Variants in GPD2 observed in about 807,000 individuals in gnomAD.
GPD2 encodes glycerol-3-phosphate dehydrogenase 2.
Under a neutral mutation model 82.4 loss-of-function variants are expected in GPD2, and 54 were observed. The observed-to-expected ratio is 0.66, with a 90% CI of 0.53 to 0.82. The LOEUF is 0.82. GPD2 is among the 40% of genes least tolerant of loss of function. The pLI is 0.00. For missense variants in GPD2, 748 were observed against 896.2 expected, an observed-to-expected ratio of 0.83 and a Z score of 2.11; for synonymous variants, 288 against 306.1, an observed-to-expected ratio of 0.94 and a Z score of 0.62.
intron 2 of GPD2, among the ~76,000 whole-genome samples, chr2:156,480,168 G>A (rs1182429764): frequency 6.6e-6 from 1 of 152,196 alleles, no homozygotes; most frequent in African/African-American, 2.4e-5. Flanking sequence ...TTCCAGGCTG[G>A]TGGGAGAATG....
rs1687293120 is a variant in GPD2 at position 156,564,457 on chromosome 2, C to T, written c.1166-4368C>T. On this transcript the variant is annotated intron_variant, in intron 9 of 16. Transcript: ENST00000438166. ...CGTGATATGGAGAGGAACCTGTTAG[C>T]TTCGTCAGTTGCTGTCTTTTATTCA... 2.0e-5 allele frequency among the ~76,000 whole-genome samples: 3 copies of T among 152,242 alleles called. No individual in the cohort carries two copies. In the South Asian group the frequency reaches 6.2e-4, roughly 32 times the overall value.
chr2:156,442,052 A>G (rs1573870527), intron 1 of GPD2, among the ~76,000 whole-genome samples: 1 of 151,986 alleles, frequency 6.6e-6, no homozygotes, highest in Admixed American at 6.6e-5. Context: ...TTTGATTTAG[A>G]TTTTTCAAGC....
At position 156,583,015 on chromosome 2, in the gene GPD2, G is replaced by T; in HGVS notation, c.*97G>T. 1 of 1,318,930 alleles carries T rather than the reference G, an allele frequency of 7.6e-7. No homozygotes were observed. The highest frequency in any genetic ancestry group is 1.1e-6 in the Non-Finnish European group (1 of 920,602). 81.7% of individuals were successfully genotyped at this position (1,318,930 alleles called of 1,614,324 possible). A position where few individuals can be genotyped will look rare whatever the true frequency, so the allele number is the denominator to read the frequency against. On this transcript the variant is annotated 3_prime_UTR_variant, in exon 17 of 17. Coordinates refer to ENST00000438166, the MANE Select transcript of GPD2 (RefSeq NM_000408.5). ...AAACCACTCTGAAATAATGAATGTG[G>T]ATAGCTGCCTTTTTTAACACTAGAA...
At chr2:156,517,304 A>G (rs1486906906) in intron 6 of GPD2, among the ~76,000 whole-genome samples, 4 of 152,192 alleles carry the variant, frequency 2.6e-5, no homozygotes, top group Non-Finnish European at 4.4e-5. Context: ...TCTGTGCATG[A>G]CATAAGTATG....
intron 4 of GPD2, among the ~76,000 whole-genome samples, chr2:156,511,539 C>CT (rs533883583): frequency 6.6e-6 from 1 of 151,572 alleles, no homozygotes; most frequent in Admixed American, 6.6e-5. Flanking sequence ...GAATCTGTCT[C>CT]TTTTTTTTTC....
intron 1 of GPD2, among the ~76,000 whole-genome samples, chr2:156,443,171 T>A (rs1276107495): frequency 6.6e-6 from 1 of 152,198 alleles, no homozygotes; most frequent in African/African-American, 2.4e-5. Flanking sequence ...TTTATGACAT[T>A]TTCCCTCACA....
intron 7 of GPD2, among the ~76,000 whole-genome samples, chr2:156,550,309 T>C (rs1331036310): frequency 6.6e-6 from 1 of 152,252 alleles, no homozygotes; most frequent in East Asian, 1.9e-4. Context: ...GCTTATTTAC[T>C]CATTCTACTT....
At chr2:156,505,651 T>G (rs1372281669) in intron 3 of GPD2, among the ~76,000 whole-genome samples, 3 of 152,192 alleles carry the variant, frequency 2.0e-5, no homozygotes. Flanking sequence ...CTCTTTCTAC[T>G]TTGAGGGAAG....
intron 9 of GPD2, among the ~76,000 whole-genome samples, chr2:156,562,284 A>G (rs1197943077): frequency 6.6e-6 from 1 of 152,230 alleles, no homozygotes; most frequent in African/African-American, 2.4e-5. Flanking sequence ...AGCTGGCCAT[A>G]TCAACTCACT....
At chr2:156,532,688 C>T (rs1157612350) in intron 6 of GPD2, among the ~76,000 whole-genome samples, 2 of 152,066 alleles carry the variant, frequency 1.3e-5, no homozygotes, top group African/African-American at 4.8e-5. Context: ...GGCACTGCCA[C>T]CCAGAAACTG....
At chr2:156,537,619 C>T (rs1454542224) in intron 6 of GPD2, among the ~76,000 whole-genome samples, 1 of 152,114 alleles carries the variant, frequency 6.6e-6, no homozygotes, top group Non-Finnish European at 1.5e-5. Flanking sequence ...TGTGCTTCTT[C>T]TGTTGTTTAT....
At chr2:156,401,145 C>T in the GPD2 span, among the ~76,000 whole-genome samples, 8 of 152,150 alleles carry the variant, frequency 5.3e-5, no homozygotes, top group Admixed American at 3.9e-4. Context: ...GAAGTCAAAA[C>T]TTGCATTGGC....
At chr2:156,447,598 G>A (rs1682413261) in intron 1 of GPD2, among the ~76,000 whole-genome samples, 1 of 152,182 alleles carries the variant, frequency 6.6e-6, no homozygotes, top group Non-Finnish European at 1.5e-5. Context: ...GCCTCCCAAA[G>A]TGCTGGGATT....
intron 6 of GPD2, among the ~76,000 whole-genome samples, chr2:156,520,405 C>T (rs1457183460): frequency 6.6e-6 from 1 of 152,114 alleles, no homozygotes; most frequent in Non-Finnish European, 1.5e-5. Context: ...TGACTATTCA[C>T]CATTTCATTT....
At position 156,568,889 on chromosome 2, in the gene GPD2, T is replaced by G. The variant is rs1348930152; in HGVS notation, c.1230T>G (p.Ser410=). 2 of 1,611,656 alleles carry G rather than the reference T, an allele frequency of 1.2e-6. No individual in the cohort carries two copies. Among genetic ancestry groups the G allele is most frequent in the Non-Finnish European group, 1.7e-6 (2 of 1,177,936 alleles). Residue 410 remains serine, a synonymous_variant, in exon 10 of 17, where the codon TCT becomes TCG. Transcript: ENST00000438166. ...GIRPLVTDPK[S]ADTQSISRNH... ...GTCCTCTTGTTACAGACCCCAAATC[T>G]GCAGATACTCAGTCTATCTCCCGAA...
intron 1 of GPD2, chr2:156,473,637 G>T (rs1042817391): frequency 6.6e-6 from 1 of 152,180 alleles, no homozygotes; most frequent in Non-Finnish European, 1.5e-5. Flanking sequence ...GTTGTTTAAG[G>T]TAAATAGTAA....
intron 1 of GPD2, among the ~76,000 whole-genome samples, chr2:156,457,312 C>G (rs1180407299): frequency 6.6e-6 from 1 of 152,160 alleles, no homozygotes; most frequent in East Asian, 1.9e-4. Flanking sequence ...TTTGCTCAGG[C>G]TTCTTACAGG....
At chr2:156,461,852 C>T (rs1683000346) in intron 1 of GPD2, among the ~76,000 whole-genome samples, 1 of 152,214 alleles carries the variant, frequency 6.6e-6, no homozygotes, top group African/African-American at 2.4e-5. Flanking sequence ...GCCAGGTATT[C>T]AGTCAATCCC....
At chr2:156,508,505 A>T (rs1483412918) in intron 3 of GPD2, among the ~76,000 whole-genome samples, 3 of 152,062 alleles carry the variant, frequency 2.0e-5, no homozygotes, top group Non-Finnish European at 4.4e-5. Context: ...AGCCTGTAGG[A>T]TACCTTAGGG....
Sources: gnomAD v4.1 joint callset for allele counts (sites outside exome capture counted in the v4.1 genomes callset) on GRCh38, gnomAD v4.1.1 for gene constraint, MANE v1.5 for transcripts, NCBI Gene and HGNC (gene_info 2026-07-23, HGNC 2026-07-21) for gene names.